SLC24A2: variants seen among roughly 807,000 people sequenced by gnomAD.
SLC24A2 encodes solute carrier family 24 member 2.
SLC24A2 carries 36 observed loss-of-function variants against 62.0 expected under a neutral mutation model. The observed-to-expected ratio is 0.58, with a 90% confidence interval of 0.44 to 0.77. The LOEUF is 0.77. Ranked by LOEUF, SLC24A2 falls within the 30% of genes least tolerant of loss-of-function variation. The probability of loss-of-function intolerance (pLI) is 0.00; values close to 1 mark genes in which losing one functional copy is unlikely to be tolerated. For synonymous variants in SLC24A2, 358 were observed against 294.0 expected (o/e 1.22, Z -2.23); for missense variants, 846 against 817.9 (o/e 1.03, Z -0.42).
the SLC24A2 span, among the ~76,000 whole-genome samples, chr9:19,829,840 C>CAT: frequency 1.6e-5 from 2 of 122,120 alleles, no homozygotes; most frequent in African/African-American, 3.0e-5. Flanking sequence ...CACACACACA[C>CAT]ATATATAGAA....
At chr9:20,042,590 A>G in the SLC24A2 span, among the ~76,000 whole-genome samples, 10 of 152,278 alleles carry the variant, frequency 6.6e-5, no homozygotes, top group East Asian at 1.9e-3. Context: ...TTGCTAAGGG[A>G]CATGTTCATT....
intron 2 of SLC24A2, among the ~76,000 whole-genome samples, chr9:19,763,888 T>C (rs959142999): frequency 1.3e-5 from 2 of 152,242 alleles, no homozygotes; most frequent in African/African-American, 2.4e-5. Flanking sequence ...GAAGGAATGA[T>C]ACCAGCTCCT....
At chr9:19,542,337 G>A (rs1237685261) in intron 8 of SLC24A2, among the ~76,000 whole-genome samples, 1 of 152,180 alleles carries the variant, frequency 6.6e-6, no homozygotes, top group Non-Finnish European at 1.5e-5. Flanking sequence ...AGGAGATTTT[G>A]GGCTGGGACA....
chr9:20,077,042 C>T, the SLC24A2 span, among the ~76,000 whole-genome samples: 1 of 150,644 alleles, frequency 6.6e-6, no homozygotes, highest in Non-Finnish European at 1.5e-5. Context: ...ATAAACCAGA[C>T]ACAGAAAAAA....
At chr9:20,274,917 G>A in the SLC24A2 span, among the ~76,000 whole-genome samples, 444 of 152,244 alleles carry the variant, frequency 2.9e-3, 4 homozygotes, top group African/African-American at 9.8e-3. Context: ...CTGTCTAGCC[G>A]GAAGAGGTGA....
chr9:20,219,445 T>A, the SLC24A2 span, among the ~76,000 whole-genome samples: 3 of 152,170 alleles, frequency 2.0e-5, no homozygotes, highest in East Asian at 5.8e-4. Context: ...TACAGCCACT[T>A]TGGTATTGCT....
chr9:19,865,040 T>C, the SLC24A2 span, among the ~76,000 whole-genome samples: 1 of 151,902 alleles, frequency 6.6e-6, no homozygotes, highest in East Asian at 1.9e-4. Flanking sequence ...ATATGCCAAC[T>C]GAACAAAGTG....
chr9:20,214,195 C>A, the SLC24A2 span, among the ~76,000 whole-genome samples: 3 of 152,122 alleles, frequency 2.0e-5, no homozygotes, highest in Non-Finnish European at 2.9e-5. Flanking sequence ...AGAGTGGCAT[C>A]GTGAGGCGAT....
intron 8 of SLC24A2, among the ~76,000 whole-genome samples, chr9:19,541,854 C>CGA (rs1415246448): frequency 6.6e-6 from 1 of 151,566 alleles, no homozygotes; most frequent in Non-Finnish European, 1.5e-5. Context: ...TAGCAATCAG[C>CGA]GAGATTCCGT....
At chr9:20,133,350 A>G in the SLC24A2 span, among the ~76,000 whole-genome samples, 1 of 152,162 alleles carries the variant, frequency 6.6e-6, no homozygotes, top group African/African-American at 2.4e-5. Context: ...TCACAAACAT[A>G]AAATATCTCA....
chr9:19,867,493 GT>G, the SLC24A2 span, among the ~76,000 whole-genome samples: 1 of 151,882 alleles, frequency 6.6e-6, no homozygotes, highest in South Asian at 2.1e-4. Context: ...TTCCTTTTTA[GT>G]TTTTTTTCTC....
chr9:19,908,561 A>G, the SLC24A2 span, among the ~76,000 whole-genome samples: 18 of 152,202 alleles, frequency 1.2e-4, no homozygotes, highest in Non-Finnish European at 2.1e-4. Context: ...CTACAGAATG[A>G]GAGAAAATTT....
intron 5 of SLC24A2, among the ~76,000 whole-genome samples, chr9:19,587,627 C>G (rs1343190196): frequency 6.6e-6 from 1 of 151,552 alleles, no homozygotes; most frequent in Non-Finnish European, 1.5e-5. Context: ...ATTGAACATG[C>G]CAGCCTCCAA....
the SLC24A2 span, among the ~76,000 whole-genome samples, chr9:20,084,761 C>A: frequency 2.5e-3 from 374 of 152,200 alleles, 2 homozygotes; most frequent in African/African-American, 8.1e-3. Context: ...CTGACATATT[C>A]CCCTAGATCA....
chr9:19,867,417 G>A, the SLC24A2 span, among the ~76,000 whole-genome samples: 2 of 152,288 alleles, frequency 1.3e-5, no homozygotes, highest in Middle Eastern at 3.4e-3. Flanking sequence ...AGTAATTTGT[G>A]TCTTTCTAGG....
the SLC24A2 span, among the ~76,000 whole-genome samples, chr9:19,917,351 G>T: frequency 2.1e-3 from 257 of 119,634 alleles, no homozygotes; most frequent in African/African-American, 6.5e-3. Flanking sequence ...TTCTTTTTGT[G>T]TGGTTTTTTT....
chr9:19,847,140 C>T, the SLC24A2 span, among the ~76,000 whole-genome samples: 3 of 152,220 alleles, frequency 2.0e-5, no homozygotes, highest in East Asian at 5.8e-4. Context: ...AGCAAAATGT[C>T]TAATGCTATA....
At chr9:19,651,346 T>C (rs1003776833) in intron 2 of SLC24A2, among the ~76,000 whole-genome samples, 1 of 152,244 alleles carries the variant, frequency 6.6e-6, no homozygotes, top group Non-Finnish European at 1.5e-5. Flanking sequence ...TTATCATTCC[T>C]ATTTTATGTA....
At chr9:19,662,686 C>T (rs1819136958) in intron 2 of SLC24A2, among the ~76,000 whole-genome samples, 1 of 152,126 alleles carries the variant, frequency 6.6e-6, no homozygotes, top group Non-Finnish European at 1.5e-5. Context: ...CATGTTGTTA[C>T]CTGTGCCTGG....
Sources: gnomAD v4.1 joint callset for allele counts (sites outside exome capture counted in the v4.1 genomes callset) on GRCh38, gnomAD v4.1.1 for gene constraint, MANE v1.5 for transcripts, NCBI Gene and HGNC (gene_info 2026-07-23, HGNC 2026-07-21) for gene names.